SLCO1B3: variants seen among roughly 807,000 people sequenced by gnomAD.
SLCO1B3 encodes the protein solute carrier organic anion transporter family member 1B3.
In SLCO1B3, 72 loss-of-function variants were observed where a neutral mutation model predicts 71.8. That is an observed-to-expected ratio of 1.00 (90% CI 0.83 to 1.22). The LOEUF (loss-of-function observed/expected upper bound fraction) is 1.22. Ranked by LOEUF, SLCO1B3 falls within the 50% of genes most tolerant of loss-of-function variation. SLCO1B3 has a pLI of 0.00. For missense variants in SLCO1B3, 911 were observed against 819.7 expected (o/e 1.11, Z -1.36); for synonymous variants, 298 against 278.4 (o/e 1.07, Z -0.70).
intron 13 of SLCO1B3, among the ~76,000 whole-genome samples, chr12:20,894,188 T>G (rs1434991444): frequency 1.3e-5 from 2 of 152,196 alleles, no homozygotes; most frequent in African/African-American, 4.8e-5. Flanking sequence ...ATTTAACTTC[T>G]TAGGGTGCCT....
intron 4 of SLCO1B3, 36 bp downstream of exon 4, chr12:20,855,205 G>A (rs771800314): frequency 1.3e-6 from 2 of 1,556,434 alleles, no homozygotes; most frequent in South Asian, 1.1e-5. Flanking sequence ...AACCATACTT[G>A]CATAAGTTGA....
chr12:20,851,782 T>C (rs1379514659), intron 3 of SLCO1B3, among the ~76,000 whole-genome samples: 1 of 138,252 alleles, frequency 7.2e-6, no homozygotes, highest in Non-Finnish European at 1.6e-5. Context: ...CTTCTAAGAG[T>C]GTAAGGTCTT....
chr12:20,883,806 C>T (rs1357213190), intron 13 of SLCO1B3, among the ~76,000 whole-genome samples: 2 of 150,924 alleles, frequency 1.3e-5, no homozygotes, highest in African/African-American at 2.4e-5. Flanking sequence ...CAAATCTAGG[C>T]TCTATACTTT....
chr12:20,908,851 C>T lies in SLCO1B3; in HGVS notation c.1866-7153C>T, dbSNP rs182888590. ...AATAAAAGTTAATAATAAAAGTTAT[C>T]CATGTGCCAGTTTTTGTATAGATAC... On this transcript the variant is annotated intron_variant, in intron 15 of 15. Transcript: ENST00000381545. Among the ~76,000 whole-genome samples, 416 of 152,260 alleles carry T rather than the reference C, an allele frequency of 2.7e-3. 7 individuals carry two copies. In the South Asian group the frequency reaches 0.038, roughly 14 times the overall value.
At chr12:20,815,433 T>A (rs1485440302) in intron 2 of SLCO1B3, among the ~76,000 whole-genome samples, 1 of 152,212 alleles carries the variant, frequency 6.6e-6, no homozygotes, top group Non-Finnish European at 1.5e-5. Flanking sequence ...TTTACTTGTT[T>A]CAAATTTCTC....
intron 4 of SLCO1B3, among the ~76,000 whole-genome samples, chr12:20,856,146 GT>G (rs745501134): frequency 6.6e-6 from 1 of 152,116 alleles, no homozygotes; most frequent in African/African-American, 2.4e-5. Flanking sequence ...TAGTTTTAAC[GT>G]TTAATTCACT....
chr12:20,854,979 T>A (rs751131524), intron 3 of SLCO1B3, 49 bp from the exon 4 acceptor site: 1 of 1,535,022 alleles, frequency 6.5e-7, no homozygotes, highest in African/African-American at 1.4e-5. Flanking sequence ...ATAAACATTA[T>A]ATAGTTCTTT....
chr12:20,824,273 T>A (rs1864377687), intron 3 of SLCO1B3, among the ~76,000 whole-genome samples: 1 of 152,196 alleles, frequency 6.6e-6, no homozygotes, highest in Non-Finnish European at 1.5e-5. Flanking sequence ...TATTTCAGTC[T>A]TCTATTAGTT....
At chr12:20,821,451 T>TG (rs918612159) in intron 3 of SLCO1B3, among the ~76,000 whole-genome samples, 2 of 151,748 alleles carry the variant, frequency 1.3e-5, no homozygotes, top group African/African-American at 4.8e-5. Flanking sequence ...GAATGGAAGG[T>TG]GGAAGCTAGT....
intron 3 of SLCO1B3, among the ~76,000 whole-genome samples, chr12:20,846,881 G>A (rs2033515): frequency 0.66 from 100,301 of 151,736 alleles, 36,337 homozygotes; most frequent in South Asian, 0.84. Context: ...ACTGCAGGTA[G>A]ATAGAGACTT....
intron 13 of SLCO1B3, among the ~76,000 whole-genome samples, chr12:20,883,871 T>C (rs1240507963): frequency 6.6e-6 from 1 of 152,162 alleles, no homozygotes; most frequent in African/African-American, 2.4e-5. Context: ...GCCTTGATTG[T>C]AGGAGAATCT....
chr12:20,909,652 C>T lies in SLCO1B3; in HGVS notation c.1866-6352C>T, dbSNP rs150258087. Among the ~76,000 whole-genome samples the T allele has an allele frequency of 4.0e-3, 612 of 152,180 alleles. 3 individuals carry two copies. Among genetic ancestry groups the T allele is most frequent in the South Asian group, 7.5e-3 (36 of 4,814 alleles). ...GAAAATATTTTCTCTCAGTCTGTGG[C>T]CTCTGACTCTCATCTTATCCTTTTG... On this transcript the variant is annotated intron_variant, in intron 15 of 15. Coordinates refer to ENST00000381545, the MANE Select transcript of SLCO1B3 (RefSeq NM_019844.4).
chr12:20,860,446 T>C (rs1865237066), intron 5 of SLCO1B3, among the ~76,000 whole-genome samples: 1 of 152,206 alleles, frequency 6.6e-6, no homozygotes, highest in South Asian at 2.1e-4. Context: ...TGGCACACTA[T>C]ATGTTGTCCT....
At chr12:20,842,675 C>A (rs1420793271) in intron 3 of SLCO1B3, among the ~76,000 whole-genome samples, 14 of 152,196 alleles carry the variant, frequency 9.2e-5, no homozygotes, top group Admixed American at 9.2e-4. Context: ...TTTATATAGT[C>A]AGACTTGTTT....
rs75213558 is a variant in SLCO1B3 at position 20,867,997 on chromosome 12, T to A, written c.727+5143T>A. On this transcript the variant is annotated intron_variant, in intron 8 of 15. Transcript: ENST00000381545. The stretch of plus-strand genomic sequence containing the variant: ...GTTCAATGTGAAGAGATGAGGATGA[T>A]GAAAAGCGTTATGATGACCCACTTC... Among the ~76,000 whole-genome samples, 700 of 152,264 alleles carry A rather than the reference T, an allele frequency of 4.6e-3. 4 individuals carry two copies. Among genetic ancestry groups the A allele is most frequent in the African/African-American group, 0.015 (628 of 41,564 alleles).
intron 3 of SLCO1B3, among the ~76,000 whole-genome samples, chr12:20,851,879 C>T (rs11045561): frequency 0.72 from 110,113 of 152,022 alleles, 42,452 homozygotes; most frequent in South Asian, 0.9. Flanking sequence ...TATGTGGATA[C>T]CCAGTTTTCT....
intron 15 of SLCO1B3, among the ~76,000 whole-genome samples, chr12:20,905,326 G>A (rs1565608983): frequency 6.6e-6 from 1 of 152,146 alleles, no homozygotes; most frequent in Non-Finnish European, 1.5e-5. Flanking sequence ...CACTGTCTTG[G>A]CTATTAACAT....
At chr12:20,831,519 G>A (rs1047615752) in intron 3 of SLCO1B3, among the ~76,000 whole-genome samples, 10 of 151,982 alleles carry the variant, frequency 6.6e-5, no homozygotes, top group African/African-American at 1.9e-4. Context: ...CTCAACAATC[G>A]CATTACAACA....
intron 13 of SLCO1B3, among the ~76,000 whole-genome samples, chr12:20,891,699 C>T (rs1434795587): frequency 6.6e-6 from 1 of 152,034 alleles, no homozygotes; most frequent in African/African-American, 2.4e-5. Context: ...CCCATATGTC[C>T]TGAAGGTTCT....
Sources: gnomAD v4.1 joint callset for allele counts (sites outside exome capture counted in the v4.1 genomes callset) on GRCh38, gnomAD v4.1.1 for gene constraint, MANE v1.5 for transcripts, NCBI Gene and HGNC (gene_info 2026-07-23, HGNC 2026-07-21) for gene names.